The following PRKG1 variants were observed in gnomAD, a reference collection of about 807,000 sequenced individuals.
The protein encoded by PRKG1 is cGMP-dependent protein kinase 1.
In PRKG1, 35 loss-of-function variants were observed where a neutral mutation model predicts 88.1. That is an observed-to-expected ratio of 0.40 (90% confidence interval 0.30 to 0.53). PRKG1 has a LOEUF of 0.53. Ranked by LOEUF, PRKG1 falls within the 20% of genes least tolerant of loss-of-function variation. PRKG1 has a pLI of 0.59. For missense variants in PRKG1, 540 were observed against 839.8 expected (o/e 0.64, Z 4.41); for synonymous variants, 303 against 292.5 (o/e 1.04, Z -0.37).
At chr10:51,642,041 T>C (rs1839812678) in intron 3 of PRKG1, among the ~76,000 whole-genome samples, 1 of 152,202 alleles carries the variant, frequency 6.6e-6, no homozygotes, top group South Asian at 2.1e-4. Context: ...GAGCAACTAC[T>C]CTGTCAGTTA....
intron 2 of PRKG1, among the ~76,000 whole-genome samples, chr10:51,194,206 A>G (rs1837703209): frequency 6.6e-6 from 1 of 151,176 alleles, no homozygotes; most frequent in Non-Finnish European, 1.5e-5. Context: ...GAAGATTAGT[A>G]TTTAGTATCA....
At chr10:51,959,737 G>A (rs560040827) in intron 5 of PRKG1, among the ~76,000 whole-genome samples, 143 of 152,206 alleles carry the variant, frequency 9.4e-4, no homozygotes, top group Non-Finnish European at 1.6e-3. Flanking sequence ...AGAGGTGAAG[G>A]AGATTGAAGT....
chr10:51,675,686 T>C (rs754019925), intron 3 of PRKG1, among the ~76,000 whole-genome samples: 22 of 152,210 alleles, frequency 1.4e-4, no homozygotes, highest in Non-Finnish European at 3.2e-4. Flanking sequence ...TGTTTTAATA[T>C]AAGTATTTAA....
At chr10:51,179,592 G>A (rs951495462) in intron 2 of PRKG1, among the ~76,000 whole-genome samples, 6 of 152,194 alleles carry the variant, frequency 3.9e-5, no homozygotes, top group African/African-American at 9.6e-5. Context: ...TATTCAGCAC[G>A]CTAATCATGT....
chr10:51,149,160 C>A (rs1348277946), intron 1 of PRKG1, among the ~76,000 whole-genome samples: 2 of 152,238 alleles, frequency 1.3e-5, no homozygotes, highest in South Asian at 2.1e-4. Flanking sequence ...ATAGAGAAGA[C>A]AATGGTTGGA....
chr10:51,948,267 A>T (rs1313604952), intron 5 of PRKG1, among the ~76,000 whole-genome samples: 1 of 152,198 alleles, frequency 6.6e-6, no homozygotes, highest in African/African-American at 2.4e-5. Flanking sequence ...GACTTTGAAG[A>T]TACGAAAGTG....
At chr10:52,159,306 G>A (rs529647693) in intron 8 of PRKG1, among the ~76,000 whole-genome samples, 67 of 151,446 alleles carry the variant, frequency 4.4e-4, no homozygotes, top group African/African-American at 1.6e-3. Flanking sequence ...TAAATATTGG[G>A]TCATTAGGAC....
chr10:51,985,637 T>C (rs999485011), intron 5 of PRKG1, among the ~76,000 whole-genome samples: 1 of 152,180 alleles, frequency 6.6e-6, no homozygotes, highest in Non-Finnish European at 1.5e-5. Context: ...TGCATCTAAT[T>C]AATATTTTTT....
intron 8 of PRKG1, among the ~76,000 whole-genome samples, chr10:52,146,862 T>G (rs1007648511): frequency 3.9e-5 from 6 of 152,228 alleles, no homozygotes; most frequent in African/African-American, 1.4e-4. Flanking sequence ...TACAGTTTAC[T>G]CTCCAGTGAC....
At chr10:51,836,838 A>G (rs1169092157) in intron 4 of PRKG1, among the ~76,000 whole-genome samples, 4 of 152,186 alleles carry the variant, frequency 2.6e-5, no homozygotes, top group Non-Finnish European at 5.9e-5. Context: ...TGCTTATGCT[A>G]CTGAACAATG....
intron 3 of PRKG1, among the ~76,000 whole-genome samples, chr10:51,700,560 C>T (rs566398927): frequency 1.0e-3 from 153 of 152,194 alleles, no homozygotes; most frequent in African/African-American, 3.3e-3. Flanking sequence ...GGAGTTAAAA[C>T]ATATTCAGTG....
chr10:51,703,749 C>G (rs1487743632), intron 3 of PRKG1, among the ~76,000 whole-genome samples: 10 of 152,174 alleles, frequency 6.6e-5, no homozygotes, highest in Admixed American at 2.6e-4. Context: ...GGGCCCTACT[C>G]CAAATCTATT....
At chr10:51,235,538 G>A (rs1838963944) in intron 2 of PRKG1, among the ~76,000 whole-genome samples, 1 of 152,112 alleles carries the variant, frequency 6.6e-6, no homozygotes, top group African/African-American at 2.4e-5. Context: ...TCGGGAGATG[G>A]ATTTTATAAA....
At chr10:51,331,348 A>G (rs1473013693) in intron 2 of PRKG1, among the ~76,000 whole-genome samples, 1 of 152,106 alleles carries the variant, frequency 6.6e-6, no homozygotes, top group East Asian at 1.9e-4. Flanking sequence ...TCACCAAGCA[A>G]GTGTGAAACT....
intron 1 of PRKG1, among the ~76,000 whole-genome samples, chr10:51,139,372 T>C (rs1341304181): frequency 1.3e-5 from 2 of 152,188 alleles, no homozygotes; most frequent in Non-Finnish European, 2.9e-5. Flanking sequence ...GTAGAAAATA[T>C]GGTTCTGGCA....
chr10:52,041,629 T>G (rs953964175), intron 5 of PRKG1, among the ~76,000 whole-genome samples: 8 of 152,220 alleles, frequency 5.3e-5, no homozygotes, highest in African/African-American at 1.9e-4. Context: ...GGGAGATTGG[T>G]TATCATGATT....
chr10:51,837,940 A>T (rs139883634), intron 4 of PRKG1, among the ~76,000 whole-genome samples: 1 of 152,252 alleles, frequency 6.6e-6, no homozygotes, highest in African/African-American at 2.4e-5. Flanking sequence ...GTAGAGAGAA[A>T]GTTGCTGCAT....
At chr10:51,140,628 A>G (rs1245139149) in intron 1 of PRKG1, among the ~76,000 whole-genome samples, 1 of 152,210 alleles carries the variant, frequency 6.6e-6, no homozygotes, top group Non-Finnish European at 1.5e-5. Flanking sequence ...CGTATACTCA[A>G]AAGGCTGTCT....
Position 51,238,701 on chromosome 10 carries a change from C to T in PRKG1, c.478+85371C>T, listed in dbSNP as rs369536080. 9.9e-5 allele frequency among the ~76,000 whole-genome samples: 15 copies of T among 151,188 alleles called. No homozygotes were observed. The South Asian group carries it at 3.1e-3, about 32-fold the overall frequency. On this transcript the variant is annotated intron_variant, in intron 2 of 17. Coordinates refer to ENST00000373980, the MANE Select transcript of PRKG1 (RefSeq NM_006258.4). The stretch of plus-strand genomic sequence containing the variant: ...TCTTAAACCTGGGAGGACGAGGTTG[C>T]AGTGAGCCAAGATGGTTCCACTGCA...
Sources: gnomAD v4.1 joint callset for allele counts (sites outside exome capture counted in the v4.1 genomes callset) on GRCh38, gnomAD v4.1.1 for gene constraint, MANE v1.5 for transcripts, NCBI Gene and HGNC (gene_info 2026-07-23, HGNC 2026-07-21) for gene names.